Variants in BEAN1 observed in about 807,000 individuals in gnomAD.
BEAN1 encodes protein BEAN1.
A neutral mutation model predicts 17.7 loss-of-function variants in BEAN1; 17 were observed. The observed-to-expected ratio is 0.96, with a 90% CI of 0.66 to 1.44. The LOEUF (loss-of-function observed/expected upper bound fraction) is 1.44, where lower values mean the gene tolerates loss of function less well. BEAN1 is among the 40% of genes most tolerant of loss of function. The pLI, the probability that BEAN1 is intolerant of heterozygous loss-of-function variation, is 0.00. For synonymous variants in BEAN1, 142 were observed against 151.8 expected (o/e 0.94, Z 0.47); for missense variants, 359 against 374.1 (o/e 0.96, Z 0.33).
At position 66,481,569 on chromosome 16, in the gene BEAN1, T is replaced by C. The variant is rs553005338; in HGVS notation, c.*644T>C. ...GGTCTCAGGCGCAAACTGGAGGCCCTCACAGCCCACTAGGCCCCCTCCCAA... is the reference window on the plus strand; with the variant it reads ...GGTCTCAGGCGCAAACTGGAGGCCCCCACAGCCCACTAGGCCCCCTCCCAA... On this transcript the variant is annotated 3_prime_UTR_variant, in exon 5 of 5. Transcript: ENST00000536005. This position sits in a 1 kb window ranked among gnomAD's most constrained non-coding sequence, Gnocchi z 4.1. The C allele has an allele frequency of 6.6e-5, 17 of 255,814 alleles. No homozygotes were observed. In the South Asian group the frequency reaches 2.3e-3, roughly 34 times the overall value. 15.8% of individuals were successfully genotyped at this position (255,814 alleles called of 1,614,324 possible).
chr16:66,460,842 G>C (rs1259210469), intron 2 of BEAN1, among the ~76,000 whole-genome samples: 1 of 152,192 alleles, frequency 6.6e-6, no homozygotes, highest in Non-Finnish European at 1.5e-5. Flanking sequence ...CTATCTGTGG[G>C]GCTGTGTGAC....
Position 66,469,792 on chromosome 16 carries a change from C to G in BEAN1, c.216C>G (p.His72Gln), listed in dbSNP as rs1280308479. 4 of 1,534,394 alleles carry G rather than the reference C, an allele frequency of 2.6e-6. No individual in the cohort carries two copies. Among genetic ancestry groups the G allele is most frequent in the Non-Finnish European group, 3.5e-6 (4 of 1,146,546 alleles). Residue 72 changes from histidine to glutamine, a missense_variant, in exon 3 of 5, where the codon CAC becomes CAG. Transcript: ENST00000536005. Reference protein sequence around the residue: ...DRQARLQRHRHRHHRHHHHHH... With the variant: ...DRQARLQRHRQRHHRHHHHHH... ...AGGCCCGGCTTCAGCGGCACCGCCA[C>G]CGCCACCACCGCCACCACCACCACC... is the stretch of plus-strand genomic sequence containing the variant.
chr16:66,484,203 C>G (rs1479062754), downstream of BEAN1: 3 of 254,360 alleles, frequency 1.2e-5, no homozygotes, highest in African/African-American at 2.2e-5. The surrounding 1 kb of genome is among the most constrained non-coding windows in gnomAD (Gnocchi z 4.2). Context: ...GCCCTCTGTT[C>G]TGAACATCAC....
rs1373749653 is a variant in BEAN1, at chr16:66,481,475, T to C, written c.*550T>C. 4 of 382,342 alleles carry C rather than the reference T, an allele frequency of 1.0e-5. No individual in the cohort carries two copies. In the Admixed American group the frequency reaches 1.8e-4, roughly 17 times the overall value. The allele number at this position is 382,342 out of a possible 1,614,324, so 23.7% of individuals were successfully genotyped here. A position where few individuals can be genotyped will look rare whatever the true frequency, so the allele number is the denominator to read the frequency against. On this transcript the variant is annotated 3_prime_UTR_variant, in exon 5 of 5. Transcript: ENST00000536005. The surrounding 1 kb of genome is among the most constrained non-coding windows in gnomAD (Gnocchi z 4.1). ...TTCCGTTGTGCGCTGTGCCTATCTC[T>C]CGATTCCAGGGCAGATGAGCCACAA...
intron 2 of BEAN1, among the ~76,000 whole-genome samples, chr16:66,467,937 C>T (rs1963316504): frequency 6.6e-6 from 1 of 152,248 alleles, no homozygotes; most frequent in South Asian, 2.1e-4. Flanking sequence ...TGTGCTTTAC[C>T]ACCTGTTCCT....
chr16:66,468,011 C>T (rs2142428302), intron 2 of BEAN1, among the ~76,000 whole-genome samples: 1 of 152,310 alleles, frequency 6.6e-6, no homozygotes, highest in Admixed American at 6.5e-5. Flanking sequence ...GAAGGAGAAA[C>T]GATCACAGCT....
downstream of BEAN1, chr16:66,484,617 T>C: frequency 2.2e-6 from 1 of 454,052 alleles, no homozygotes; most frequent in South Asian, 1.6e-5. The surrounding 1 kb of genome is among the most constrained non-coding windows in gnomAD (Gnocchi z 4.2). Context: ...GGCCAGACCC[T>C]GGGATGAGGA....
At chr16:66,439,520 C>A (rs1962164850) in intron 2 of BEAN1, among the ~76,000 whole-genome samples, 1 of 152,160 alleles carries the variant, frequency 6.6e-6, no homozygotes, top group Non-Finnish European at 1.5e-5. Context: ...TGGGCTGAAC[C>A]CCAGGCCATT....
At chr16:66,439,801 G>A (rs181044187) in intron 2 of BEAN1, among the ~76,000 whole-genome samples, 2 of 152,154 alleles carry the variant, frequency 1.3e-5, no homozygotes, top group East Asian at 3.9e-4. Flanking sequence ...CCCTGACTCT[G>A]CCACCAGATC....
intron 1 of BEAN1, 67 bp from the exon 2 acceptor site, chr16:66,437,528 G>A (rs1962074338): frequency 1.6e-5 from 15 of 912,010 alleles, no homozygotes; most frequent in Admixed American, 5.2e-5. Flanking sequence ...AGATGTGAGC[G>A]CCCAGCCTGC....
chr16:66,445,903 C>T (rs1438541637), intron 2 of BEAN1, among the ~76,000 whole-genome samples: 4 of 152,114 alleles, frequency 2.6e-5, no homozygotes, highest in Non-Finnish European at 5.9e-5. Context: ...AGACAATGGT[C>T]CAGGCCAGGT....
intron 2 of BEAN1, among the ~76,000 whole-genome samples, chr16:66,467,891 A>G (rs1963313245): frequency 6.6e-6 from 1 of 152,256 alleles, no homozygotes; most frequent in South Asian, 2.1e-4. Context: ...ACCTGCCCCA[A>G]GGGCATGTTT....
downstream of BEAN1, among the ~76,000 whole-genome samples, chr16:66,494,237 G>A (rs1325187363): frequency 3.9e-5 from 6 of 152,156 alleles, no homozygotes; most frequent in African/African-American, 9.7e-5. Flanking sequence ...AGCAGGGCAC[G>A]GGGGAAGAGT....
At chr16:66,454,729 CTTTTT>C (rs538469751) in intron 2 of BEAN1, among the ~76,000 whole-genome samples, 1 of 83,676 alleles carries the variant, frequency 1.2e-5, no homozygotes, top group East Asian at 3.4e-4. Flanking sequence ...TTCTTTCTTT[CTTTTT>C]TTTTTTTTTT....
chr16:66,441,894 C>T (rs1375494704), intron 2 of BEAN1, among the ~76,000 whole-genome samples: 1 of 152,176 alleles, frequency 6.6e-6, no homozygotes, highest in African/African-American at 2.4e-5. Context: ...TTCCCCACCC[C>T]TCAACACCGT....
chr16:66,428,815 G>A (rs1961684604), intron 1 of BEAN1, among the ~76,000 whole-genome samples: 2 of 152,248 alleles, frequency 1.3e-5, no homozygotes, highest in Middle Eastern at 3.4e-3. Context: ...CCTCCAAGGA[G>A]GCCTTTGAAT....
At chr16:66,429,235 A>G (rs1475292094) in intron 1 of BEAN1, among the ~76,000 whole-genome samples, 2 of 152,216 alleles carry the variant, frequency 1.3e-5, no homozygotes, top group Non-Finnish European at 2.9e-5. Flanking sequence ...GATTCTTCGC[A>G]GACTATGATG....
intron 1 of BEAN1, among the ~76,000 whole-genome samples, chr16:66,436,266 CTTTTTTTTT>C (rs560577711): frequency 8.3e-6 from 1 of 120,642 alleles, no homozygotes; most frequent in East Asian, 2.4e-4. Flanking sequence ...TTTTTCTTTT[CTTTTTTTTT>C]TTTTTTTTTT....
chr16:66,484,104 G>A, downstream of BEAN1: 1 of 178,040 alleles, frequency 5.6e-6, no homozygotes, highest in Non-Finnish European at 1.2e-5. The surrounding 1 kb of genome is among the most constrained non-coding windows in gnomAD (Gnocchi z 4.2). Flanking sequence ...TCCATTTTTG[G>A]GGCTCACCCC....
Sources: allele counts gnomAD v4.1 joint callset (sites outside exome capture counted in the v4.1 genomes callset), GRCh38; gene constraint gnomAD v4.1.1; non-coding constraint Gnocchi (gnomAD v3.1); transcripts MANE v1.5; gene names NCBI Gene and HGNC (gene_info 2026-07-23, HGNC 2026-07-21).